Variants in CAMK1G observed in about 807,000 individuals in gnomAD.
CAMK1G encodes calcium/calmodulin dependent protein kinase IG.
Under a neutral mutation model 54.8 loss-of-function variants are expected in CAMK1G, and 27 were observed. That is an observed-to-expected ratio of 0.49 (90% CI 0.36 to 0.68). The LOEUF is 0.68. Among genes scored for constraint, CAMK1G ranks in the 30% least tolerant of loss-of-function variants. The pLI, the probability that CAMK1G is intolerant of heterozygous loss-of-function variation, is 0.00. For synonymous variants in CAMK1G, 238 were observed against 224.9 expected (o/e 1.06, Z -0.52); for missense variants, 512 against 591.0 (o/e 0.87, Z 1.39).
At chr1:209,605,325 C>T (rs1186279903) in intron 4 of CAMK1G, among the ~76,000 whole-genome samples, 2 of 152,094 alleles carry the variant, frequency 1.3e-5, no homozygotes, top group East Asian at 3.9e-4. Context: ...CAATGCTTGG[C>T]CCAAAGAGAT....
In CAMK1G at chr1:209,612,127, C is replaced by G; in HGVS notation, c.1251C>G (p.Gly417=). 1 of 1,614,150 alleles carries G rather than the reference C, an allele frequency of 6.2e-7. No individual in the cohort carries two copies. The highest frequency in any genetic ancestry group is 8.5e-7 in the Non-Finnish European group (1 of 1,179,950). ...GGTCCCTGGCCGCCGGGCCCTGTGG[C>G]TGCTGCTCCAGCTGCCTGAACATTG... The part of the protein sequence containing the change: ...HQGSLAAGPC[G]CCSSCLNIGS... The change falls in exon 11 of 13, where the codon GGC becomes GGG. Residue 417 remains glycine (G), a synonymous_variant. Coordinates refer to ENST00000361322, the MANE Select transcript of CAMK1G (RefSeq NM_020439.3).
chr1:209,594,913 C>A, intron 1 of CAMK1G, 42 bp from the exon 2 acceptor site: 2 of 1,233,846 alleles, frequency 1.6e-6, no homozygotes, highest in South Asian at 1.3e-5. Context: ...AGCAGCTGAC[C>A]AGACCTTTTT....
chr1:209,600,953 G>C (rs761018056), intron 3 of CAMK1G, among the ~76,000 whole-genome samples: 2 of 152,154 alleles, frequency 1.3e-5, no homozygotes, highest in Non-Finnish European at 2.9e-5. Context: ...GGAAATCCCT[G>C]AATTTAGAGT....
At chr1:209,603,346 C>A in intron 4 of CAMK1G, 58 bp downstream of exon 4, 2 of 1,423,536 alleles carry the variant, frequency 1.4e-6, no homozygotes, top group South Asian at 1.2e-5. Context: ...GGGAGGCCTA[C>A]AGGAGGTTGG....
intron 9 of CAMK1G, among the ~76,000 whole-genome samples, chr1:209,610,829 G>T (rs898892537): frequency 2.0e-5 from 3 of 152,076 alleles, no homozygotes; most frequent in Non-Finnish European, 4.4e-5. Flanking sequence ...CTTACTTCTC[G>T]AGGTCTATTA....
At chr1:209,592,191 A>AG (rs1665271669) in intron 1 of CAMK1G, among the ~76,000 whole-genome samples, 1 of 151,934 alleles carries the variant, frequency 6.6e-6, no homozygotes, top group Non-Finnish European at 1.5e-5. Context: ...TGGAAAAAAA[A>AG]TTAATATTTG....
chr1:209,596,048 G>C (rs1665374591), intron 2 of CAMK1G, among the ~76,000 whole-genome samples: 1 of 152,204 alleles, frequency 6.6e-6, no homozygotes, highest in South Asian at 2.1e-4. Flanking sequence ...TGTCCATCCG[G>C]GTAAGCTTTC....
chr1:209,609,093 G>T lies in CAMK1G; in HGVS notation c.748+1G>T. 1 of 1,614,144 alleles carries T rather than the reference G, an allele frequency of 6.2e-7. No homozygotes were observed. Among genetic ancestry groups the T allele is most frequent in the Non-Finnish European group, 8.5e-7 (1 of 1,179,994 alleles). ...TTCTGGGATGACATTTCTGAGTCAG[G>T]TAAGGCCAGTAGGCATGAAGGAGAG... On this transcript the variant is annotated splice_donor_variant, in intron 8 of 12. Coordinates refer to ENST00000361322, the MANE Select transcript of CAMK1G (RefSeq NM_020439.3). LOFTEE classifies it high-confidence loss of function.
chr1:209,588,906 G>A (rs533775493), intron 1 of CAMK1G, among the ~76,000 whole-genome samples: 9 of 152,254 alleles, frequency 5.9e-5, no homozygotes, highest in South Asian at 4.2e-4. Flanking sequence ...CAGAGGCAGC[G>A]TCCACCCCAA....
chr1:209,597,561 T>C (rs1288747057), intron 2 of CAMK1G, among the ~76,000 whole-genome samples: 4 of 152,220 alleles, frequency 2.6e-5, no homozygotes, highest in Non-Finnish European at 4.4e-5. Context: ...ACACTCACCT[T>C]TTAATTTCCA....
intron 1 of CAMK1G, among the ~76,000 whole-genome samples, chr1:209,589,110 A>G (rs1448063815): frequency 1.3e-5 from 2 of 152,220 alleles, no homozygotes; most frequent in African/African-American, 4.8e-5. Context: ...GTTACTTCCT[A>G]TAGAGGAGAT....
At position 209,611,848 on chromosome 1, in the gene CAMK1G, G is replaced by C; in HGVS notation, c.972G>C (p.Leu324=). 6.2e-7 allele frequency: 1 copy of C among 1,614,208 alleles called. No individual in the cohort carries two copies. Among genetic ancestry groups the C allele is most frequent in the Non-Finnish European group, 8.5e-7 (1 of 1,180,056 alleles). The change falls in exon 11 of 13, where the codon CTG becomes CTC. Residue 324 remains leucine, a synonymous_variant. Transcript: ENST00000361322. ...ACATGAGGAAGCTACACATGAACCT[G>C]CACAGCCCGGGCGTCCGCCCAGAGG... ...VHHMRKLHMN[L]HSPGVRPEVE...
Position 209,600,073 on chromosome 1 carries a change from G to T in CAMK1G, c.183G>T (p.Arg61=). 6.2e-7 allele frequency: 1 copy of T among 1,613,882 alleles called. No homozygotes were observed. The highest frequency in any genetic ancestry group is 8.5e-7 in the Non-Finnish European group (1 of 1,179,872). Residue 61 remains arginine, a synonymous_variant, in exon 3 of 13, where the codon CGG becomes CGT. Coordinates refer to ENST00000361322, the MANE Select transcript of CAMK1G (RefSeq NM_020439.3). ...GCATCAAGAAGTCACCTGCCTTCCG[G>T]GACAGCAGCCTGGAGAATGAGATTG... ...LKCIKKSPAF[R]DSSLENEIAV... is the part of the protein sequence containing the mutation.
At position 209,608,970 on chromosome 1, in the gene CAMK1G, C is replaced by T. The variant is rs749287633; in HGVS notation, c.636-10C>T. The T allele has an allele frequency of 1.7e-5, 28 of 1,613,832 alleles. No individual in the cohort carries two copies. Among genetic ancestry groups the T allele is most frequent in the Non-Finnish European group, 2.2e-5 (26 of 1,179,908 alleles). ...GTTCAGTAGTATGCCTCCTTCCTGT[C>T]CTGCTGCAGGCTCTGTGGATACCCC... On this transcript the variant is annotated splice_polypyrimidine_tract_variant and intron_variant, in intron 7 of 12. Coordinates refer to ENST00000361322, the MANE Select transcript of CAMK1G (RefSeq NM_020439.3).
At chr1:209,584,682 C>T (rs954144150) in intron 1 of CAMK1G, among the ~76,000 whole-genome samples, 2 of 152,164 alleles carry the variant, frequency 1.3e-5, no homozygotes, top group Non-Finnish European at 2.9e-5. Flanking sequence ...CAGCCTCTTG[C>T]TCTGGAGTCA....
chr1:209,608,214 C>T (rs1419180515), intron 7 of CAMK1G, among the ~76,000 whole-genome samples: 1 of 152,242 alleles, frequency 6.6e-6, no homozygotes, highest in Non-Finnish European at 1.5e-5. Context: ...TGCACCCCTG[C>T]CCCTTTTACT....
At chr1:209,608,930 A>C (rs1423561331) in intron 7 of CAMK1G, 50 bp from the exon 8 acceptor site, 1 of 1,607,674 alleles carries the variant, frequency 6.2e-7, no homozygotes, top group East Asian at 2.2e-5. Flanking sequence ...AGGCTGGCTC[A>C]GGGAGGACAG....
chr1:209,611,653 G>A lies in CAMK1G; in HGVS notation c.915+101G>A, dbSNP rs181971929. The A allele has an allele frequency of 4.6e-3, 6,658 of 1,463,230 alleles. 27 individuals are homozygous for A. Among genetic ancestry groups the A allele is most frequent in the Non-Finnish European group, 5.6e-3 (5,918 of 1,062,314 alleles). 90.6% of individuals were successfully genotyped at this position (1,463,230 alleles called of 1,614,324 possible). A position where few individuals can be genotyped will look rare whatever the true frequency, so the allele number is the denominator to read the frequency against. ...GGCTTTCCTTGGGATGTCCCAGAAG[G>A]CATTGGAGCTCCGTGTACCCTCTCT... On this transcript the variant is annotated intron_variant, in intron 10 of 12. Coordinates refer to ENST00000361322, the MANE Select transcript of CAMK1G (RefSeq NM_020439.3).
chr1:209,602,260 C>T (rs959146844), intron 3 of CAMK1G, among the ~76,000 whole-genome samples: 1 of 152,174 alleles, frequency 6.6e-6, no homozygotes, highest in Non-Finnish European at 1.5e-5. Flanking sequence ...CCAGCAGCAC[C>T]TTCCCCTGCC....
Sources: gnomAD v4.1 joint callset for allele counts (sites outside exome capture counted in the v4.1 genomes callset) on GRCh38, gnomAD v4.1.1 for gene constraint, MANE v1.5 for transcripts, NCBI Gene and HGNC (gene_info 2026-07-23, HGNC 2026-07-21) for gene names.